USP32: variants seen among roughly 807,000 people sequenced by gnomAD.
USP32 encodes the protein ubiquitin specific peptidase 32, also known as ubiquitin carboxyl-terminal hydrolase 32.
A neutral mutation model predicts 204.8 loss-of-function variants in USP32; 59 were observed. The observed-to-expected ratio is 0.29, with a 90% CI of 0.23 to 0.36. USP32 has a LOEUF of 0.36. Ranked by LOEUF, USP32 falls within the 10% of genes least tolerant of loss-of-function variation. The pLI is 1.00. For synonymous variants in USP32, 517 were observed against 678.4 expected (o/e 0.76, Z 3.70); for missense variants, 1,160 against 1,946.4 (o/e 0.60, Z 7.60).
Position 60,179,409 on chromosome 17 carries a change from A to G in USP32, c.4661T>C (p.Ile1554Thr). ...AAGAATGTAGGCAGAGTCGGTGTCA[A>G]TTTCATCCGGGTGAAGTTCCTGAAA... ...SSCKELHPDE[I>T]DTDSAYILFY... The change falls in exon 34 of 34, where the codon ATT becomes ACT. Residue 1554 changes from isoleucine to threonine, a missense_variant. This residue lies in a region of USP32 where 244 missense variants were observed against 342.3 expected (regional missense o/e 0.71). Transcript: ENST00000300896. 1 of 1,612,362 alleles carries G rather than the reference A, an allele frequency of 6.2e-7. No homozygotes were observed. Among genetic ancestry groups the G allele is most frequent in the Non-Finnish European group, 8.5e-7 (1 of 1,179,822 alleles).
chr17:60,211,163 T>A, intron 20 of USP32, 45 bp from the exon 21 acceptor site: 32 of 1,600,114 alleles, frequency 2.0e-5, no homozygotes, highest in Non-Finnish European at 2.7e-5. Flanking sequence ...TTCTCATAAA[T>A]CACAATCATG....
chr17:60,412,212 C>T (rs1376292262), intron 1 of USP32, among the ~76,000 whole-genome samples: 1 of 152,158 alleles, frequency 6.6e-6, no homozygotes, highest in African/African-American at 2.4e-5. Flanking sequence ...TATGAAAATA[C>T]TGATCCCCAA....
intron 1 of USP32, among the ~76,000 whole-genome samples, chr17:60,400,530 G>A (rs888306534): frequency 6.6e-6 from 1 of 152,226 alleles, no homozygotes; most frequent in African/African-American, 2.4e-5. Context: ...TACTCACTGA[G>A]ATGAGGAATA....
intron 2 of USP32, among the ~76,000 whole-genome samples, chr17:60,328,512 C>A (rs2088300407): frequency 6.6e-6 from 1 of 152,222 alleles, no homozygotes; most frequent in African/African-American, 2.4e-5. Context: ...TCATCTTCCT[C>A]ACCCTCCATC....
At chr17:60,310,940 A>T (rs1313899874) in intron 2 of USP32, among the ~76,000 whole-genome samples, 1 of 152,126 alleles carries the variant, frequency 6.6e-6, no homozygotes, top group Non-Finnish European at 1.5e-5. Context: ...TGTAGGAGCT[A>T]AAAAAAGTAG....
At chr17:60,290,804 G>A (rs982758477) in intron 4 of USP32, among the ~76,000 whole-genome samples, 2 of 152,022 alleles carry the variant, frequency 1.3e-5, no homozygotes, top group Admixed American at 1.3e-4. Context: ...GGAGGGAGGG[G>A]AGAGGGCTTA....
At chr17:60,243,545 G>C (rs951188312) in intron 11 of USP32, among the ~76,000 whole-genome samples, 9 of 152,224 alleles carry the variant, frequency 5.9e-5, no homozygotes, top group African/African-American at 1.7e-4. Flanking sequence ...GAATGAGCAT[G>C]ACTGTGCTCT....
chr17:60,388,149 TG>T (rs1013703834), intron 1 of USP32, among the ~76,000 whole-genome samples: 6 of 152,144 alleles, frequency 3.9e-5, no homozygotes, highest in Admixed American at 3.3e-4. Context: ...CATAACTTTT[TG>T]ACACACTATA....
intron 7 of USP32, among the ~76,000 whole-genome samples, chr17:60,268,582 C>CAA (rs57060420): frequency 0.051 from 2,221 of 43,482 alleles, 95 homozygotes; most frequent in African/African-American, 0.13. Context: ...GACCCTGTCT[C>CAA]AAAAAAAAAA....
chr17:60,234,344 ACC>A (rs2085657226), intron 12 of USP32, among the ~76,000 whole-genome samples: 1 of 150,208 alleles, frequency 6.7e-6, no homozygotes, highest in African/African-American at 2.4e-5. Flanking sequence ...CGATCTCCCG[ACC>A]TCGTGATCCG....
At chr17:60,406,426 T>A (rs527537427) in intron 1 of USP32, among the ~76,000 whole-genome samples, 1 of 152,030 alleles carries the variant, frequency 6.6e-6, no homozygotes, top group African/African-American at 2.4e-5. Context: ...TGATCCACCC[T>A]CCTCAGCCTC....
At chr17:60,391,215 G>A (rs1309535575) in intron 1 of USP32, among the ~76,000 whole-genome samples, 2 of 152,198 alleles carry the variant, frequency 1.3e-5, no homozygotes, top group Admixed American at 1.3e-4. Context: ...AACGTCGGAG[G>A]AGATGAAACC....
intron 11 of USP32, among the ~76,000 whole-genome samples, chr17:60,247,166 T>C (rs930303200): frequency 6.6e-6 from 1 of 151,912 alleles, no homozygotes; most frequent in African/African-American, 2.4e-5. Flanking sequence ...TAGATTTAAG[T>C]CTTTGAATCC....
In USP32 at chr17:60,226,022, G is replaced by A. The variant is rs1457290057; in HGVS notation, c.1432+17C>T. On this transcript the variant is annotated intron_variant, in intron 13 of 33. Transcript: ENST00000300896. ...GGGAATAAACCAATAAACCTCAGGG[G>A]AATAGGTCATATTTACCGCTGCCAG... The A allele has an allele frequency of 1.3e-6, 2 of 1,584,274 alleles. No individual in the cohort carries two copies. Among genetic ancestry groups the A allele is most frequent in the Non-Finnish European group, 1.7e-6 (2 of 1,170,150 alleles).
chr17:60,421,616 C>G lies in USP32; in HGVS notation c.106+630G>C, dbSNP rs1405639574. On this transcript the variant is annotated intron_variant, in intron 1 of 3. Transcript: ENST00000588898. ...TGCGGGGGCAACGGTCTCTCGTCGCCGGGACCCCGCCGTGTGCCGCCCAGG... is the reference window on the plus strand; with the variant it reads ...TGCGGGGGCAACGGTCTCTCGTCGCGGGGACCCCGCCGTGTGCCGCCCAGG... 18 of 979,440 alleles carry G rather than the reference C, an allele frequency of 1.8e-5. No individual in the cohort carries two copies. The Admixed American group carries it at 1.1e-3, about 60-fold the overall frequency. 60.7% of individuals were successfully genotyped at this position (979,440 alleles called of 1,614,324 possible).
At chr17:60,298,768 G>C (rs894721604) in intron 3 of USP32, among the ~76,000 whole-genome samples, 1 of 152,054 alleles carries the variant, frequency 6.6e-6, no homozygotes, top group Non-Finnish European at 1.5e-5. Flanking sequence ...TGGGTTTATG[G>C]ATACATTCAT....
At chr17:60,180,198 G>A (rs1209237057) in intron 33 of USP32, among the ~76,000 whole-genome samples, 1 of 151,916 alleles carries the variant, frequency 6.6e-6, no homozygotes, top group Non-Finnish European at 1.5e-5. Context: ...ACTAATTTTT[G>A]TATTTTTAGT....
At chr17:60,341,130 A>C (rs1050147055) in intron 2 of USP32, among the ~76,000 whole-genome samples, 2 of 152,118 alleles carry the variant, frequency 1.3e-5, no homozygotes, top group Non-Finnish European at 2.9e-5. Flanking sequence ...ACCTTAGTGA[A>C]TCTGACAACT....
chr17:60,405,232 T>G (rs2089966448), intron 1 of USP32, among the ~76,000 whole-genome samples: 1 of 152,130 alleles, frequency 6.6e-6, no homozygotes. Flanking sequence ...AGACAGAGTT[T>G]CGCTCTGTCA....
Sources: allele counts gnomAD v4.1 joint callset (sites outside exome capture counted in the v4.1 genomes callset), GRCh38; gene constraint gnomAD v4.1.1; regional missense constraint gnomAD v4.1.1; transcripts MANE v1.5; gene names NCBI Gene and HGNC (gene_info 2026-07-23, HGNC 2026-07-21).